Variants in FAM110B observed in about 807,000 individuals in gnomAD.
FAM110B encodes the protein family with sequence similarity 110 member B.
FAM110B carries 6 observed loss-of-function variants against 20.4 expected under a neutral mutation model. The observed-to-expected ratio is 0.29, with a 90% CI of 0.16 to 0.58. FAM110B has a LOEUF of 0.58. FAM110B is among the 20% of genes least tolerant of loss of function. FAM110B has a pLI of 0.90. For synonymous variants in FAM110B, 226 were observed against 214.1 expected, an observed-to-expected ratio of 1.06 and a Z score of -0.49; for missense variants, 434 against 498.2, an observed-to-expected ratio of 0.87 and a Z score of 1.23.
intron 1 of FAM110B, among the ~76,000 whole-genome samples, chr8:58,028,836 G>A (rs557247966): frequency 6.6e-6 from 1 of 152,232 alleles, no homozygotes; most frequent in Non-Finnish European, 1.5e-5. Context: ...TATTTCTGCG[G>A]AATCTGTCAG....
chr8:58,134,133 TTC>T (rs1161912204), intron 3 of FAM110B, among the ~76,000 whole-genome samples: 1 of 152,272 alleles, frequency 6.6e-6, no homozygotes, highest in Non-Finnish European at 1.5e-5. Flanking sequence ...AAATAAACTG[TTC>T]TTTTCAGAAT....
At chr8:58,006,923 A>ATATATATATATATATATTTTT in intron 1 of FAM110B, among the ~76,000 whole-genome samples, 2 of 126,514 alleles carry the variant, frequency 1.6e-5, no homozygotes, top group African/African-American at 6.1e-5. Context: ...ATATATATAT[A>ATATATATATATATATATTTTT]TTTTTCCAAA....
Position 58,028,583 on chromosome 8 carries a change from T to C in FAM110B, c.-511-3023T>C, listed in dbSNP as rs549208238. On this transcript the variant is annotated intron_variant, in intron 1 of 3. Transcript: ENST00000519262. ...TGTTGGAATGGACATCTTGTCCTTT[T>C]TCCCCCCTTAATATGGTTGTTTGGC... Among the ~76,000 whole-genome samples, 4 of 152,352 alleles carry C rather than the reference T, an allele frequency of 2.6e-5. No individual in the cohort carries two copies. The South Asian group carries it at 6.2e-4, about 24-fold the overall frequency.
intron 1 of FAM110B, among the ~76,000 whole-genome samples, chr8:58,000,147 GC>G: frequency 6.6e-6 from 1 of 152,172 alleles, no homozygotes; most frequent in Non-Finnish European, 1.5e-5. Flanking sequence ...CCATGCAAAG[GC>G]CCTGTGACAG....
chr8:58,002,803 C>T (rs1804325423), intron 1 of FAM110B, among the ~76,000 whole-genome samples: 1 of 152,202 alleles, frequency 6.6e-6, no homozygotes, highest in African/African-American at 2.4e-5. Context: ...TCTGAGCCTT[C>T]AGCAAGTCAT....
intron 1 of FAM110B, among the ~76,000 whole-genome samples, chr8:58,024,792 A>C (rs1320917711): frequency 1.3e-5 from 2 of 152,232 alleles, no homozygotes; most frequent in African/African-American, 2.4e-5. Context: ...TTAGTTGCTC[A>C]AGGTCACATA....
intron 2 of FAM110B, among the ~76,000 whole-genome samples, chr8:58,061,648 A>G (rs2150585569): frequency 6.6e-6 from 1 of 152,366 alleles, no homozygotes; most frequent in African/African-American, 2.4e-5. Flanking sequence ...AGTTTCCTGA[A>G]GGTGAATTAA....
At chr8:58,136,003 CTTTTTT>C (rs5891669) in intron 3 of FAM110B, among the ~76,000 whole-genome samples, 3 of 71,494 alleles carry the variant, frequency 4.2e-5, no homozygotes, top group African/African-American at 1.3e-4. Flanking sequence ...CCAGCAAGTC[CTTTTTT>C]TTTTTTTTTT....
intron 2 of FAM110B, among the ~76,000 whole-genome samples, chr8:58,034,567 G>A (rs1236077605): frequency 2.0e-5 from 3 of 152,184 alleles, no homozygotes. Context: ...TACAGCCCTG[G>A]GAAAGCTGTT....
chr8:58,022,887 GA>G (rs1307623944), intron 1 of FAM110B, among the ~76,000 whole-genome samples: 2 of 152,212 alleles, frequency 1.3e-5, no homozygotes, highest in Admixed American at 1.3e-4. Context: ...TCCAGGGGCA[GA>G]AAAACAGTGT....
At chr8:58,074,573 A>G (rs750839539) in intron 2 of FAM110B, among the ~76,000 whole-genome samples, 1 of 152,208 alleles carries the variant, frequency 6.6e-6, no homozygotes, top group Non-Finnish European at 1.5e-5. Flanking sequence ...CCTTTCTGGA[A>G]TATAAACTCC....
intron 3 of FAM110B, among the ~76,000 whole-genome samples, chr8:58,117,759 A>G (rs1001705370): frequency 2.0e-5 from 3 of 152,196 alleles, no homozygotes; most frequent in Non-Finnish European, 2.9e-5. Flanking sequence ...TTCTATAATC[A>G]TTATTATTAT....
At chr8:58,120,621 G>C (rs1354814) in intron 3 of FAM110B, among the ~76,000 whole-genome samples, 27,289 of 152,176 alleles carry the variant, frequency 0.18, 2,589 homozygotes, top group East Asian at 0.26. Context: ...CCCAGAAGTG[G>C]CTACCCCTCC....
intron 2 of FAM110B, among the ~76,000 whole-genome samples, chr8:58,052,508 T>TA (rs1805467522): frequency 6.6e-6 from 1 of 152,050 alleles, no homozygotes; most frequent in Non-Finnish European, 1.5e-5. Context: ...ACTGGGGATA[T>TA]AGCAGGAAAC....
chr8:58,143,650 A>T (rs943241420), intron 3 of FAM110B, among the ~76,000 whole-genome samples: 1 of 152,228 alleles, frequency 6.6e-6, no homozygotes, highest in African/African-American at 2.4e-5. Context: ...TTCTTAGAAG[A>T]TAGACTGGTA....
chr8:58,101,176 C>G (rs1007254417), intron 3 of FAM110B, among the ~76,000 whole-genome samples: 1 of 114,314 alleles, frequency 8.7e-6, no homozygotes, highest in African/African-American at 3.3e-5. Flanking sequence ...GACTCCGTCT[C>G]AAAAAAAAAA....
chr8:58,068,259 G>A (rs899415369), intron 2 of FAM110B, among the ~76,000 whole-genome samples: 6 of 152,204 alleles, frequency 3.9e-5, no homozygotes, highest in Non-Finnish European at 5.9e-5. Context: ...TAATTCACTA[G>A]GATGATGCTT....
intron 2 of FAM110B, among the ~76,000 whole-genome samples, chr8:58,063,540 A>G (rs1805698709): frequency 2.0e-5 from 3 of 152,184 alleles, no homozygotes; most frequent in Non-Finnish European, 4.4e-5. Flanking sequence ...TTTTCCGAGA[A>G]CATACTGCTT....
At chr8:58,085,825 G>A (rs1239405971) in intron 3 of FAM110B, among the ~76,000 whole-genome samples, 1 of 152,116 alleles carries the variant, frequency 6.6e-6, no homozygotes, top group Non-Finnish European at 1.5e-5. Context: ...CTTGGGCACT[G>A]GCCATTCACA....
Sources: allele counts gnomAD v4.1 joint callset (sites outside exome capture counted in the v4.1 genomes callset), GRCh38; gene constraint gnomAD v4.1.1; transcripts MANE v1.5; gene names NCBI Gene and HGNC (gene_info 2026-07-23, HGNC 2026-07-21).